ATP8A2: variants seen among roughly 807,000 people sequenced by gnomAD.
ATP8A2 encodes the protein ATPase phospholipid transporting 8A2.
In ATP8A2, 100 loss-of-function variants were observed where a neutral mutation model predicts 165.6. That is an observed-to-expected ratio of 0.60 (90% CI 0.51 to 0.71). The LOEUF is 0.71. ATP8A2 is among the 30% of genes least tolerant of loss of function. The pLI, the probability that ATP8A2 is intolerant of heterozygous loss-of-function variation, is 0.00. For synonymous variants in ATP8A2, 543 were observed against 548.8 expected, an observed-to-expected ratio of 0.99 and a Z score of 0.15; for missense variants, 1,227 against 1,479.5, an observed-to-expected ratio of 0.83 and a Z score of 2.80.
chr13:25,658,503 G>A (rs767676644), intron 24 of ATP8A2, among the ~76,000 whole-genome samples: 2 of 152,100 alleles, frequency 1.3e-5, no homozygotes, highest in African/African-American at 4.8e-5. Context: ...GCCGGGGGTG[G>A]TGGTGCGCAC....
At chr13:25,427,139 G>A (rs75754547) in intron 1 of ATP8A2, among the ~76,000 whole-genome samples, 2,954 of 152,226 alleles carry the variant, frequency 0.019, 76 homozygotes, top group African/African-American at 0.06. Flanking sequence ...AGCAGTGGGC[G>A]AGCTAGCACG....
Position 26,020,120 on chromosome 13 carries a change from AGTTT to A in ATP8A2, c.*139_*142del, listed in dbSNP as rs1378757544. The A allele has an allele frequency of 1.5e-6, 1 of 670,446 alleles. No homozygotes were observed. Among genetic ancestry groups the A allele is most frequent in the Non-Finnish European group, 2.6e-6 (1 of 387,176 alleles). 41.5% of individuals were successfully genotyped at this position (670,446 alleles called of 1,614,324 possible). A position where few individuals can be genotyped will look rare whatever the true frequency, so the allele number is the denominator to read the frequency against. On this transcript the variant is annotated 3_prime_UTR_variant, in exon 37 of 37. Transcript: ENST00000381655. ...CACATTTCTGTGGCCTTAGCCAAGC[AGTTT>A]GTTAGTTACATATTCCCTCGCAAAC...
chr13:25,640,147 A>G (rs1257529033), intron 24 of ATP8A2, among the ~76,000 whole-genome samples: 2 of 152,238 alleles, frequency 1.3e-5, no homozygotes, highest in Admixed American at 6.5e-5. Context: ...CACAAGAGAA[A>G]GCAGGAAAGA....
intron 33 of ATP8A2, among the ~76,000 whole-genome samples, chr13:25,941,209 T>A (rs1188346518): frequency 6.6e-6 from 1 of 152,164 alleles, no homozygotes; most frequent in Non-Finnish European, 1.5e-5. Context: ...TTGCTTGACT[T>A]GTCCCCTCCA....
chr13:25,378,195 A>C (rs1248640670), intron 1 of ATP8A2, among the ~76,000 whole-genome samples: 1 of 151,896 alleles, frequency 6.6e-6, no homozygotes, highest in Non-Finnish European at 1.5e-5. Context: ...GCCCAATATT[A>C]CCATAGATAC....
At chr13:25,406,137 G>C (rs900082226) in intron 1 of ATP8A2, among the ~76,000 whole-genome samples, 6 of 152,200 alleles carry the variant, frequency 3.9e-5, no homozygotes, top group Admixed American at 3.3e-4. Context: ...TGAGGAAGCA[G>C]AGACGCTGAA....
intron 24 of ATP8A2, among the ~76,000 whole-genome samples, chr13:25,636,833 C>G (rs1021200424): frequency 9.9e-5 from 15 of 152,166 alleles, no homozygotes; most frequent in Middle Eastern, 3.4e-3. Flanking sequence ...TACCTCATGC[C>G]TGTGATCCCA....
rs181487287 is a variant in ATP8A2, at chr13:26,014,684, G to T, written c.3469+2062G>T. Among the ~76,000 whole-genome samples, 593 of 152,214 alleles carry T rather than the reference G, an allele frequency of 3.9e-3. 8 individuals carry two copies. Among genetic ancestry groups the T allele is most frequent in the African/African-American group, 0.014 (561 of 41,536 alleles). On this transcript the variant is annotated intron_variant, in intron 36 of 36. Transcript: ENST00000381655. ...AACTGTCTATGGGACTATTGGGTTGGTTTCAATTAGGAGGATTAAATGAGA... is the reference window on the plus strand; with the variant it reads ...AACTGTCTATGGGACTATTGGGTTGTTTTCAATTAGGAGGATTAAATGAGA...
chr13:25,622,641 A>G (rs1041538260), intron 24 of ATP8A2, among the ~76,000 whole-genome samples: 6 of 152,202 alleles, frequency 3.9e-5, no homozygotes, highest in African/African-American at 1.4e-4. Flanking sequence ...AAAATTCCAT[A>G]TCTGACCTCA....
intron 16 of ATP8A2, among the ~76,000 whole-genome samples, chr13:25,566,354 C>T (rs928386853): frequency 5.3e-5 from 8 of 151,596 alleles, no homozygotes; most frequent in East Asian, 3.9e-4. Context: ...AGAAAAGTGG[C>T]GCCTCTGAAG....
At chr13:25,688,149 T>G (rs1051892560) in intron 24 of ATP8A2, among the ~76,000 whole-genome samples, 14 of 152,134 alleles carry the variant, frequency 9.2e-5, no homozygotes, top group Admixed American at 5.9e-4. Context: ...TGTCGCTGTT[T>G]CATTCTGAAA....
chr13:25,936,629 G>A lies in ATP8A2; in HGVS notation c.3184-24946G>A, dbSNP rs1044687999. On this transcript the variant is annotated intron_variant, in intron 33 of 36. Coordinates refer to ENST00000381655, the MANE Select transcript of ATP8A2 (RefSeq NM_016529.6). ...GTGGGATCATGGCACGTAAGCATCCGAGTAGAATCCTCTGATTAATTAATT... is the reference window on the plus strand; with the variant it reads ...GTGGGATCATGGCACGTAAGCATCCAAGTAGAATCCTCTGATTAATTAATT... 5.3e-5 allele frequency among the ~76,000 whole-genome samples: 8 copies of A among 152,196 alleles called. 1 individual carries two copies. The highest frequency in any genetic ancestry group is 4.6e-4 in the Admixed American group (7 of 15,276).
chr13:25,399,754 TCTC>T (rs1404862982), intron 1 of ATP8A2, among the ~76,000 whole-genome samples: 1 of 148,526 alleles, frequency 6.7e-6, no homozygotes, highest in African/African-American at 2.5e-5. Flanking sequence ...TCTTCCTCCT[TCTC>T]CTCTTCCTCC....
intron 35 of ATP8A2, among the ~76,000 whole-genome samples, chr13:26,006,508 T>C (rs1956741219): frequency 6.6e-6 from 1 of 152,050 alleles, no homozygotes; most frequent in South Asian, 2.1e-4. Flanking sequence ...TATTTCTTTT[T>C]CTTGCCAAAC....
rs140940264 is a variant in ATP8A2 at position 25,596,897 on chromosome 13, C to T, written c.2211+7198C>T. ...TATTACCTGCGAGTTTTCATTTTTGCGTATCTTCACCGGTGTTTGGTACTG... is the reference window on the plus strand; with the variant it reads ...TATTACCTGCGAGTTTTCATTTTTGTGTATCTTCACCGGTGTTTGGTACTG... On this transcript the variant is annotated intron_variant, in intron 24 of 36. Coordinates refer to ENST00000381655, the MANE Select transcript of ATP8A2 (RefSeq NM_016529.6). 4.6e-5 allele frequency among the ~76,000 whole-genome samples: 7 copies of T among 152,198 alleles called. No individual in the cohort carries two copies. In the East Asian group the frequency reaches 5.8e-4, roughly 13 times the overall value.
At chr13:25,693,928 G>A (rs757760279) in intron 24 of ATP8A2, among the ~76,000 whole-genome samples, 1 of 152,140 alleles carries the variant, frequency 6.6e-6, no homozygotes, top group Admixed American at 6.5e-5. Flanking sequence ...GCAGTGGCAC[G>A]ATCTTGACTC....
intron 24 of ATP8A2, among the ~76,000 whole-genome samples, chr13:25,613,924 T>C (rs1364263279): frequency 1.3e-5 from 2 of 152,208 alleles, no homozygotes; most frequent in African/African-American, 4.8e-5. Context: ...TGATAGGGTT[T>C]CCTTCATAGG....
intron 35 of ATP8A2, 130 bp downstream of exon 35, chr13:25,968,809 G>T: frequency 1.4e-6 from 1 of 714,516 alleles, no homozygotes; most frequent in South Asian, 1.9e-5. Flanking sequence ...TAAGAATTTT[G>T]GTTATTCTCA....
At position 25,830,013 on chromosome 13, in the gene ATP8A2, T is replaced by G. The variant is rs964692567; in HGVS notation, c.2754+1821T>G. 5.3e-5 allele frequency among the ~76,000 whole-genome samples: 8 copies of G among 150,290 alleles called. 1 individual carries two copies. Among genetic ancestry groups the G allele is most frequent in the Admixed American group, 2.6e-4 (4 of 15,110 alleles). On this transcript the variant is annotated intron_variant, in intron 28 of 36. Transcript: ENST00000381655. ...CAGACATATTGCAGTTTTTGCAATT[T>G]TTTTTTTTTTTTTGAGACTGGGTCT...
Sources: gnomAD v4.1 joint callset for allele counts (sites outside exome capture counted in the v4.1 genomes callset) on GRCh38, gnomAD v4.1.1 for gene constraint, MANE v1.5 for transcripts, NCBI Gene and HGNC (gene_info 2026-07-23, HGNC 2026-07-21) for gene names.